PNLIPRP3: variants seen among roughly 807,000 people sequenced by gnomAD.
PNLIPRP3 encodes pancreatic lipase-related protein 3.
Under a neutral mutation model 52.8 loss-of-function variants are expected in PNLIPRP3, and 58 were observed. The ratio of observed to expected loss-of-function variants is 1.10; its 90% CI spans 0.89 to 1.37. The LOEUF (loss-of-function observed/expected upper bound fraction) is 1.37. PNLIPRP3 is among the 40% of genes most tolerant of loss of function. The probability of loss-of-function intolerance (pLI) is 0.00; values close to 1 mark genes in which losing one functional copy is unlikely to be tolerated. For missense variants in PNLIPRP3, 593 were observed against 561.6 expected (o/e 1.06, Z -0.57); for synonymous variants, 192 against 185.0 (o/e 1.04, Z -0.31).
At chr10:116,464,106 G>A (rs1386287787) in intron 7 of PNLIPRP3, among the ~76,000 whole-genome samples, 1 of 152,168 alleles carries the variant, frequency 6.6e-6, no homozygotes, top group African/African-American at 2.4e-5. Context: ...CCTAACTATT[G>A]ATGGCAATAA....
rs1029073367 is a variant in PNLIPRP3, at chr10:116,470,512, T to A, written c.1060+1195T>A. On this transcript the variant is annotated intron_variant, in intron 9 of 11. Transcript: ENST00000369230. ...ACCACAGCAAATATATATATATATA[T>A]AATTTTTTTTTTTTTGAGATGGAGT... 6.8e-4 allele frequency among the ~76,000 whole-genome samples: 33 copies of A among 48,624 alleles called. 1 individual carries two copies. Among genetic ancestry groups the A allele is most frequent in the African/African-American group, 1.7e-3 (27 of 15,636 alleles). 31.9% of individuals were successfully genotyped at this position (48,624 alleles called of 152,430 possible).
intron 8 of PNLIPRP3, 63 bp from the exon 9 acceptor site, chr10:116,469,122 G>A (rs749091148): frequency 2.6e-5 from 38 of 1,435,384 alleles, no homozygotes; most frequent in Non-Finnish European, 2.5e-5. Flanking sequence ...AATATATAGC[G>A]AGTTTATTGA....
In PNLIPRP3 at chr10:116,443,101, G is replaced by A; in HGVS notation, c.251G>A (p.Gly84Glu). ...TCAACTATCCAAGCCTCATATTTTG[G>A]AACAGACAAGATCACCCGTATCAAC... is the stretch of plus-strand genomic sequence containing the variant. ...NSSTIQASYF[G>E]TDKITRINIA... is the part of the protein sequence containing the mutation. Residue 84 changes from glycine (G) to glutamate (E), a missense_variant, in exon 3 of 12, where the codon GGA becomes GAA. By Grantham distance (98) the Gly-to-Glu change is moderately conservative. Transcript: ENST00000369230. 2.5e-6 allele frequency: 4 copies of A among 1,609,410 alleles called. No homozygotes were observed. The highest frequency in any genetic ancestry group is 2.5e-6 in the Non-Finnish European group (3 of 1,176,730).
chr10:116,460,064 C>T (rs1846170060), intron 5 of PNLIPRP3, among the ~76,000 whole-genome samples: 1 of 152,152 alleles, frequency 6.6e-6, no homozygotes, highest in Non-Finnish European at 1.5e-5. Flanking sequence ...CCGCGCCCAG[C>T]CATGTTTCTT....
intron 7 of PNLIPRP3, among the ~76,000 whole-genome samples, chr10:116,463,721 A>C (rs182432437): frequency 1.4e-3 from 215 of 152,346 alleles, no homozygotes; most frequent in African/African-American, 5.1e-3. Flanking sequence ...ATTATTACAT[A>C]ATAATTATAC....
In PNLIPRP3 at chr10:116,469,197, T is replaced by C. The variant is rs140778968; in HGVS notation, c.940T>C (p.Phe314Leu). Residue 314 changes from phenylalanine (F) to leucine (L), a missense_variant, in exon 9 of 12, where the codon TTT (phenylalanine) becomes CTT (leucine). Transcript: ENST00000369230. ...TTTCTGTCATCAGGGAAATTGCTTC[T>C]TTTGTTCCAAAGAAGGTTGCCCAAC... ...YTSFKAGNCFFCSKEGCPTMG... is the reference protein window; with the variant it reads ...YTSFKAGNCFLCSKEGCPTMG... 2.5e-6 allele frequency: 4 copies of C among 1,610,924 alleles called. No homozygotes were observed. The highest frequency in any genetic ancestry group is 4.5e-5 in the East Asian group (2 of 44,738).
chr10:116,469,122 G>C, intron 8 of PNLIPRP3, 63 bp from the exon 9 acceptor site: 1 of 1,435,504 alleles, frequency 7.0e-7, no homozygotes, highest in Non-Finnish European at 9.5e-7. Context: ...AATATATAGC[G>C]AGTTTATTGA....
chr10:116,460,095 C>T (rs1401503556), intron 5 of PNLIPRP3, among the ~76,000 whole-genome samples: 1 of 152,162 alleles, frequency 6.6e-6, no homozygotes, highest in Non-Finnish European at 1.5e-5. Flanking sequence ...GAAGCATGTC[C>T]TAGTTCCGCA....
intron 3 of PNLIPRP3, 130 bp from the exon 4 acceptor site, chr10:116,444,252 T>C: frequency 1.4e-6 from 1 of 723,766 alleles, no homozygotes; most frequent in Non-Finnish European, 2.1e-6. Context: ...AAGATAAGAT[T>C]TGGTCGGGGA....
intron 4 of PNLIPRP3, among the ~76,000 whole-genome samples, chr10:116,449,757 C>T (rs1307883465): frequency 1.3e-5 from 2 of 152,188 alleles, no homozygotes; most frequent in Non-Finnish European, 2.9e-5. Flanking sequence ...ATGGACCTAA[C>T]ACATGTGCAT....
At position 116,465,707 on chromosome 10, in the gene PNLIPRP3, G is replaced by A. The variant is rs141125169; in HGVS notation, c.809-343G>A. 3.7e-4 allele frequency among the ~76,000 whole-genome samples: 57 copies of A among 152,268 alleles called. 1 individual carries two copies. The highest frequency in any genetic ancestry group is 1.3e-3 in the African/African-American group (56 of 41,566). ...GCTTCACACTGTTTTTGGCTTAAAG[G>A]TTGGGTTTCACTGAGGACACACCCC... is the stretch of plus-strand genomic sequence containing the variant. On this transcript the variant is annotated intron_variant, in intron 7 of 11. Coordinates refer to ENST00000369230, the MANE Select transcript of PNLIPRP3 (RefSeq NM_001011709.3).
chr10:116,460,995 A>G lies in PNLIPRP3; in HGVS notation c.595A>G (p.Asn199Asp), dbSNP rs369900742. 58 of 1,612,708 alleles carry G rather than the reference A, an allele frequency of 3.6e-5. No individual in the cohort carries two copies. Among genetic ancestry groups the G allele is most frequent in the Non-Finnish European group, 4.8e-5 (57 of 1,180,002 alleles). Residue 199 changes from asparagine (N) to aspartate (D), a missense_variant, in exon 6 of 12, where the codon AAC becomes GAC. Transcript: ENST00000369230. ...GGACCCAGCTGGGCCATTTTTCCAC[A>G]ACACTCCAAAGGAAGTCAGGCTAGA... ...GLDPAGPFFH[N>D]TPKEVRLDPS... is the part of the protein sequence containing the mutation.
intron 10 of PNLIPRP3, among the ~76,000 whole-genome samples, chr10:116,475,219 T>A (rs531237881): frequency 1.3e-5 from 2 of 152,078 alleles, no homozygotes; most frequent in East Asian, 3.9e-4. Context: ...CACTTATAAG[T>A]GGGAGCTAAA....
intron 5 of PNLIPRP3, among the ~76,000 whole-genome samples, chr10:116,456,384 C>T (rs1846113429): frequency 6.6e-6 from 1 of 152,160 alleles, no homozygotes; most frequent in African/African-American, 2.4e-5. Context: ...CGATGGATGT[C>T]CCAATTACCC....
At chr10:116,438,862 G>A (rs1845816812) in intron 2 of PNLIPRP3, among the ~76,000 whole-genome samples, 2 of 152,118 alleles carry the variant, frequency 1.3e-5, no homozygotes, top group South Asian at 4.1e-4. Context: ...AAAAGCTTGA[G>A]TTTTATAATT....
chr10:116,457,392 G>T (rs907809996), intron 5 of PNLIPRP3, among the ~76,000 whole-genome samples: 2 of 151,960 alleles, frequency 1.3e-5, no homozygotes, highest in African/African-American at 4.8e-5. Flanking sequence ...ACACATACAT[G>T]CACACTTTAA....
intron 2 of PNLIPRP3, among the ~76,000 whole-genome samples, chr10:116,437,304 G>C (rs886095681): frequency 6.6e-6 from 1 of 152,116 alleles, no homozygotes; most frequent in African/African-American, 2.4e-5. Context: ...GAAAGACTCT[G>C]GGAACAAAGT....
intron 10 of PNLIPRP3, among the ~76,000 whole-genome samples, chr10:116,475,217 A>G (rs574625722): frequency 2.6e-5 from 4 of 152,230 alleles, no homozygotes; most frequent in Non-Finnish European, 5.9e-5. Flanking sequence ...CTCACTTATA[A>G]GTGGGAGCTA....
chr10:116,434,578 A>G (rs562048184), intron 1 of PNLIPRP3, among the ~76,000 whole-genome samples: 1 of 152,292 alleles, frequency 6.6e-6, no homozygotes, highest in Non-Finnish European at 1.5e-5. Flanking sequence ...CTCTGTGAGC[A>G]TTTTCTTATG....
Sources: gnomAD v4.1 joint callset for allele counts (sites outside exome capture counted in the v4.1 genomes callset) on GRCh38, gnomAD v4.1.1 for gene constraint, MANE v1.5 for transcripts, NCBI Gene and HGNC (gene_info 2026-07-23, HGNC 2026-07-21) for gene names.